The following LTN1 variants were observed in gnomAD, a reference collection of about 807,000 sequenced individuals.
LTN1 encodes listerin E3 ubiquitin protein ligase 1.
In LTN1, 88 loss-of-function variants were observed where a neutral mutation model predicts 201.2. The ratio of observed to expected loss-of-function variants is 0.44; its 90% CI spans 0.37 to 0.52. The LOEUF (loss-of-function observed/expected upper bound fraction) is 0.52. Among genes scored for constraint, LTN1 ranks in the 20% least tolerant of loss-of-function variants. The pLI, the probability that LTN1 is intolerant of heterozygous loss-of-function variation, is 0.00. For synonymous variants in LTN1, 645 were observed against 713.5 expected (o/e 0.90, Z 1.53); for missense variants, 1,752 against 2,038.7 (o/e 0.86, Z 2.71).
rs758039954 is a variant in LTN1, at chr21:28,957,493, G to A, written c.2748-17C>T. On this transcript the variant is annotated splice_polypyrimidine_tract_variant and intron_variant, in intron 14 of 29. Transcript: ENST00000361371. ...ACTTGGAGACTAAAAATAATGCAGA[G>A]AACTTAACTGTTGTAGTTACGCTAT... The A allele has an allele frequency of 6.6e-7, 1 of 1,524,212 alleles. No individual in the cohort carries two copies. The highest frequency in any genetic ancestry group is 8.8e-7 in the Non-Finnish European group (1 of 1,136,712). The allele number at this position is 1,524,212 out of a possible 1,614,324, so 94.4% of individuals were successfully genotyped here.
intron 18 of LTN1, among the ~76,000 whole-genome samples, chr21:28,950,591 C>T (rs576481084): frequency 1.3e-5 from 2 of 152,326 alleles, no homozygotes; most frequent in South Asian, 2.1e-4. Context: ...TCTCTGCTCA[C>T]TGCAACCTCC....
In LTN1 at chr21:28,986,293, A is replaced by G. The variant is rs2084698131; in HGVS notation, c.247-56T>C. ...TAACAACCATAATAACTGGCTATAG[A>G]TTATTCTGTTCTGGAAGCTTTGTCT... On this transcript the variant is annotated intron_variant, in intron 2 of 29. Coordinates refer to ENST00000361371, the MANE Select transcript of LTN1 (RefSeq NM_015565.3). The surrounding 1 kb of genome is among the most constrained non-coding windows in gnomAD (Gnocchi z 4.1). The G allele has an allele frequency of 1.9e-6, 2 of 1,026,400 alleles. No individual in the cohort carries two copies. The highest frequency in any genetic ancestry group is 3.9e-5 in the Admixed American group (2 of 50,992). 63.6% of individuals were successfully genotyped at this position (1,026,400 alleles called of 1,614,324 possible).
At chr21:28,978,422 G>A (rs1404999206) in intron 6 of LTN1, among the ~76,000 whole-genome samples, 1 of 152,154 alleles carries the variant, frequency 6.6e-6, no homozygotes, top group Non-Finnish European at 1.5e-5. Context: ...TAGGAAAACT[G>A]ACTCACCATA....
chr21:28,980,804 G>A (rs2084652640), intron 6 of LTN1, among the ~76,000 whole-genome samples: 1 of 152,100 alleles, frequency 6.6e-6, no homozygotes, highest in Admixed American at 6.5e-5. Flanking sequence ...AGTGAAAGTA[G>A]AGAATGGAGA....
At position 28,935,311 on chromosome 21, in the gene LTN1, T is replaced by C. The variant is rs779558717; in HGVS notation, c.4673A>G (p.Tyr1558Cys). 5.9e-5 allele frequency: 95 copies of C among 1,612,972 alleles called. No homozygotes were observed. Among genetic ancestry groups the C allele is most frequent in the Non-Finnish European group, 8.0e-5 (94 of 1,179,252 alleles). The change falls in exon 27 of 30, where the codon TAC becomes TGC. Residue 1558 changes from tyrosine (Y) to cysteine (C), a missense_variant. Transcript: ENST00000361371. Reference sequence around the variant, plus strand: ...TGAACAAGCCAAGTGTGGAATGTGGTATGGAAGCATTGTTGTTTCTGAGGA... The same window carrying C: ...TGAACAAGCCAAGTGTGGAATGTGGCATGGAAGCATTGTTGTTTCTGAGGA... ...LSIRETTMLP[Y>C]HIPHLACSVY...
Position 28,960,609 on chromosome 21 carries a change from T to C in LTN1, c.2261A>G (p.Asn754Ser). ...AGATACCCTGGATTCCAAGTCCTCA[T>C]TACAAAGACAATCTGCCAAGTTGAC... is the stretch of plus-strand genomic sequence containing the variant. ...KLVNLADCLC[N>S]EDLESRVSSE... The change falls in exon 12 of 30, where the codon AAT (asparagine) becomes AGT (serine). Residue 754 changes from asparagine to serine, a missense_variant. Asn to Ser is a conservative substitution (Grantham distance 46). Coordinates refer to ENST00000361371, the MANE Select transcript of LTN1 (RefSeq NM_015565.3). The C allele has an allele frequency of 6.2e-7, 1 of 1,613,884 alleles. No homozygotes were observed. The highest frequency in any genetic ancestry group is 8.5e-7 in the Non-Finnish European group (1 of 1,179,810).
intron 18 of LTN1, among the ~76,000 whole-genome samples, chr21:28,947,913 C>A (rs370514887): frequency 6.7e-6 from 1 of 148,356 alleles, no homozygotes; most frequent in African/African-American, 2.5e-5. Flanking sequence ...GAGTCAATTG[C>A]GGGGTGCGGT....
intron 17 of LTN1, among the ~76,000 whole-genome samples, chr21:28,952,749 G>T (rs1209289787): frequency 6.6e-6 from 1 of 152,194 alleles, no homozygotes; most frequent in Non-Finnish European, 1.5e-5. Context: ...CTCCTAAAAA[G>T]AAAGCAGTTC....
chr21:28,961,832 G>A lies in LTN1; in HGVS notation c.2164-1126C>T, dbSNP rs538847915. Among the ~76,000 whole-genome samples the A allele has an allele frequency of 1.9e-4, 29 of 152,278 alleles. No homozygotes were observed. The South Asian group carries it at 3.5e-3, about 19-fold the overall frequency. On this transcript the variant is annotated intron_variant, in intron 11 of 29. Transcript: ENST00000361371. ...GACCAGCCTGACCAACCAACACGGT[G>A]AAACCTTGTCTCTACTAAAAATTCA... is the stretch of plus-strand genomic sequence containing the variant.
Position 28,932,643 on chromosome 21 carries a change from G to GAGT in LTN1, c.4894_4896dup (p.Thr1632dup). 6.2e-7 allele frequency: 1 copy of GAGT among 1,611,148 alleles called. No individual in the cohort carries two copies. The highest frequency in any genetic ancestry group is 8.5e-7 in the Non-Finnish European group (1 of 1,178,860). ...ATAGTATAAGTAGCCATTACCTCTC[G>GAGT]AGTAGTAGCTCGAGCTTTAACCTGC... On this transcript the variant is annotated inframe_insertion, in exon 28 of 30. Coordinates refer to ENST00000361371, the MANE Select transcript of LTN1 (RefSeq NM_015565.3).
In LTN1 at chr21:28,986,447, A is replaced by G. The variant is rs766841138; in HGVS notation, c.247-210T>C. ...TTTAAAAATAAAACATCTACAAACA[A>G]AAAAACCTCATTTAAAGTTACAAGG... On this transcript the variant is annotated intron_variant, in intron 2 of 29. Transcript: ENST00000361371. The surrounding 1 kb of genome is among the most constrained non-coding windows in gnomAD (Gnocchi z 4.1). 2.1e-5 allele frequency: 14 copies of G among 680,444 alleles called. No individual in the cohort carries two copies. In the South Asian group the frequency reaches 2.1e-4, roughly 10 times the overall value. 42.2% of individuals were successfully genotyped at this position (680,444 alleles called of 1,614,324 possible).
At chr21:28,961,153 T>C (rs2084475825) in intron 11 of LTN1, among the ~76,000 whole-genome samples, 1 of 152,072 alleles carries the variant, frequency 6.6e-6, no homozygotes, top group African/African-American at 2.4e-5. Context: ...TCCTTGAGAG[T>C]AGAGACTGTC....
chr21:28,954,211 TAA>T (rs2084406461), intron 16 of LTN1, among the ~76,000 whole-genome samples: 1 of 152,240 alleles, frequency 6.6e-6, no homozygotes. Flanking sequence ...TGAGCAATGT[TAA>T]ACTACAGGCT....
intron 14 of LTN1, 75 bp from the exon 15 acceptor site, chr21:28,957,551 A>T (rs2084436662): frequency 1.1e-6 from 1 of 944,610 alleles, no homozygotes; most frequent in Admixed American, 3.0e-5. Context: ...CATATTAAAT[A>T]CCCTATAATA....
At chr21:28,958,230 A>G (rs1601186681) in intron 14 of LTN1, among the ~76,000 whole-genome samples, 156 bp downstream of exon 14, 1 of 152,154 alleles carries the variant, frequency 6.6e-6, no homozygotes, top group African/African-American at 2.4e-5. Flanking sequence ...GGAGGTCTCA[A>G]CTGATCCTCC....
intron 10 of LTN1, 22 bp from the exon 11 acceptor site, chr21:28,965,928 G>A: frequency 4.0e-6 from 6 of 1,496,190 alleles, no homozygotes; most frequent in Non-Finnish European, 5.5e-6. Context: ...AAAAGAGTTA[G>A]AAACAATCTG....
In LTN1 at chr21:28,959,400, C is replaced by T. The variant is rs2084455005; in HGVS notation, c.2593+58G>A. 9.0e-6 allele frequency: 14 copies of T among 1,562,208 alleles called. No homozygotes were observed. In the Middle Eastern group the frequency reaches 5.2e-4, roughly 58 times the overall value. ...TTAATAAAGCCTGGGCACTTACACT[C>T]ACTATGAAGGTCAGAGCCGGAGATT... is the stretch of plus-strand genomic sequence containing the variant. On this transcript the variant is annotated intron_variant, in intron 13 of 29. Transcript: ENST00000361371.
chr21:28,944,235 A>T, intron 22 of LTN1, 148 bp downstream of exon 22: 2 of 647,008 alleles, frequency 3.1e-6, no homozygotes, highest in Non-Finnish European at 2.7e-6. Flanking sequence ...AGCATAGATG[A>T]TGCTTCTGAG....
At chr21:28,955,922 CAAAAA>C (rs772350234) in intron 16 of LTN1, among the ~76,000 whole-genome samples, 1 of 69,628 alleles carries the variant, frequency 1.4e-5, no homozygotes, top group Non-Finnish European at 2.9e-5. Flanking sequence ...GACTCTGTCT[CAAAAA>C]AAAAAAAAAA....
Sources: allele counts gnomAD v4.1 joint callset (sites outside exome capture counted in the v4.1 genomes callset), GRCh38; gene constraint gnomAD v4.1.1; non-coding constraint Gnocchi (gnomAD v3.1); transcripts MANE v1.5; gene names NCBI Gene and HGNC (gene_info 2026-07-23, HGNC 2026-07-21).